The following NUCB1 variants were observed in gnomAD, a reference collection of about 807,000 sequenced individuals.
The protein encoded by NUCB1 is nucleobindin 1.
NUCB1 carries 47 observed loss-of-function variants against 61.2 expected under a neutral mutation model. The ratio of observed to expected loss-of-function variants is 0.77; its 90% CI spans 0.61 to 0.98. The LOEUF (loss-of-function observed/expected upper bound fraction) is 0.98, where lower values mean the gene tolerates loss of function less well. Among genes scored for constraint, NUCB1 ranks in the 50% least tolerant of loss-of-function variants. NUCB1 has a pLI of 0.00. For synonymous variants in NUCB1, 234 were observed against 243.1 expected, an observed-to-expected ratio of 0.96 and a Z score of 0.35; for missense variants, 583 against 605.3, an observed-to-expected ratio of 0.96 and a Z score of 0.39.
At chr19:48,907,272 C>CTTT (rs1234696613) in intron 4 of NUCB1, among the ~76,000 whole-genome samples, 1 of 122,502 alleles carries the variant, frequency 8.2e-6, no homozygotes, top group Non-Finnish European at 1.7e-5. Context: ...CGCGCCTGGC[C>CTTT]TTTTTTTTTT....
rs200059888 is a variant in NUCB1, at chr19:48,913,240, T to C, written c.666+44T>C. ...CCCATCCACTCCCTACCACATCCAG[T>C]TCAAACGCAAGACAAGAAAGCAGTT... On this transcript the variant is annotated intron_variant, in intron 6 of 12. Coordinates refer to ENST00000405315, the MANE Select transcript of NUCB1 (RefSeq NM_006184.6). 124 of 1,552,422 alleles carry C rather than the reference T, an allele frequency of 8.0e-5. 1 individual carries two copies. The Admixed American group carries it at 2.2e-3, about 28-fold the overall frequency.
At chr19:48,910,685 AAAG>A (rs1248906992) in intron 4 of NUCB1, among the ~76,000 whole-genome samples, 25 of 151,908 alleles carry the variant, frequency 1.6e-4, no homozygotes, top group African/African-American at 4.6e-4. Flanking sequence ...AAAAAAAAAA[AAAG>A]AAGGAAAAGA....
chr19:48,909,363 T>G (rs985397935), intron 4 of NUCB1, among the ~76,000 whole-genome samples: 2 of 151,970 alleles, frequency 1.3e-5, no homozygotes, highest in Non-Finnish European at 2.9e-5. Context: ...TTCTCCTGCC[T>G]CAGACTCCTA....
intron 2 of NUCB1, 97 bp downstream of exon 2, chr19:48,901,028 C>T (rs2037349199): frequency 2.8e-6 from 4 of 1,411,822 alleles, no homozygotes; most frequent in Non-Finnish European, 4.0e-6. Context: ...CCAGTGACTT[C>T]CTGGCCCTAC....
In NUCB1 at chr19:48,905,808, T is replaced by C; in HGVS notation, c.299T>C (p.Leu100Pro). The change falls in exon 4 of 13, where the codon CTG becomes CCG. Residue 100 changes from leucine (L) to proline (P), a missense_variant. Coordinates refer to ENST00000405315, the MANE Select transcript of NUCB1 (RefSeq NM_006184.6). ...GTCAGCCACCACGTCCGCACCAAGC[T>C]GGATGAGCTCAAGCGACAGGAGGTG... Reference protein sequence around the residue: ...DFVSHHVRTKLDELKRQEVSR... With the variant: ...DFVSHHVRTKPDELKRQEVSR... 1 of 1,612,268 alleles carries C rather than the reference T, an allele frequency of 6.2e-7. No homozygotes were observed. The highest frequency in any genetic ancestry group is 8.5e-7 in the Non-Finnish European group (1 of 1,179,616).
chr19:48,900,814 C>T lies in NUCB1; in HGVS notation c.18C>T (p.Pro6=), dbSNP rs1600047157. 1.2e-6 allele frequency: 2 copies of T among 1,613,958 alleles called. No homozygotes were observed. Among genetic ancestry groups the T allele is most frequent in the Non-Finnish European group, 1.7e-6 (2 of 1,180,022 alleles). MPPSG[P]RGTLLLLPLL... ...ACACTGCCATGCCTCCCTCTGGGCC[C>T]CGAGGAACCCTCCTTCTGTTGCCGC... is the stretch of plus-strand genomic sequence containing the variant. The change falls in exon 2 of 13, where the codon CCC becomes CCT. Residue 6 remains proline, a synonymous_variant. Transcript: ENST00000405315.
chr19:48,911,225 C>G lies in NUCB1; in HGVS notation c.453C>G (p.Ala151=). Residue 151 remains alanine, a synonymous_variant, in exon 5 of 13, where the codon GCC becomes GCG. Coordinates refer to ENST00000405315, the MANE Select transcript of NUCB1 (RefSeq NM_006184.6). ...LDPQNQHTFE[A]RDLELLIQTA... is the part of the protein sequence containing the mutation. ...CTCAGAACCAGCATACATTCGAGGC[C>G]CGCGACCTGGAGCTGCTGATCCAGA... 1 of 1,613,552 alleles carries G rather than the reference C, an allele frequency of 6.2e-7. No homozygotes were observed. The highest frequency in any genetic ancestry group is 8.5e-7 in the Non-Finnish European group (1 of 1,179,714).
intron 3 of NUCB1, 73 bp downstream of exon 3, chr19:48,904,527 C>CTTT: frequency 8.7e-5 from 51 of 585,896 alleles, no homozygotes; most frequent in African/African-American, 1.0e-4. Context: ...GGACTGGTTT[C>CTTT]TTTTTTTTTT....
In NUCB1 at chr19:48,920,216, C is replaced by T. The variant is rs563488465; in HGVS notation, c.1002+930C>T. Among the ~76,000 whole-genome samples the T allele has an allele frequency of 2.6e-5, 4 of 151,286 alleles. No individual in the cohort carries two copies. The East Asian group carries it at 7.9e-4, about 30-fold the overall frequency. ...TGGAGTGCAGGGGTGTTATCATGGC[C>T]CACTGCAGCCTCAAACTCCTGTCCT... On this transcript the variant is annotated intron_variant, in intron 10 of 12. Coordinates refer to ENST00000405315, the MANE Select transcript of NUCB1 (RefSeq NM_006184.6).
intron 3 of NUCB1, 65 bp from the exon 4 acceptor site, chr19:48,905,688 T>C: frequency 6.3e-7 from 1 of 1,597,286 alleles, no homozygotes. Context: ...AGAAAGCTTA[T>C]AAGAAGCTTC....
At chr19:48,919,452 C>CTTTAT (rs1555792213) in intron 10 of NUCB1, among the ~76,000 whole-genome samples, 166 bp downstream of exon 10, 2 of 141,938 alleles carry the variant, frequency 1.4e-5, no homozygotes, top group African/African-American at 2.7e-5. Flanking sequence ...CTCTAGGACT[C>CTTTAT]TTATTTATTT....
chr19:48,915,111 G>A (rs77756833), intron 7 of NUCB1, among the ~76,000 whole-genome samples: 5,517 of 152,078 alleles, frequency 0.036, 340 homozygotes, highest in African/African-American at 0.12. Context: ...AAAATTAAAA[G>A]TTAAATAAAT....
intron 4 of NUCB1, among the ~76,000 whole-genome samples, chr19:48,907,914 C>T (rs561572843): frequency 6.6e-6 from 1 of 152,030 alleles, no homozygotes; most frequent in African/African-American, 2.4e-5. Context: ...TTTGTCCGTT[C>T]GCCCCGCTCT....
At chr19:48,900,626 G>C (rs1438543674) in intron 1 of NUCB1, 160 bp from the exon 2 acceptor site, 1 of 946,818 alleles carries the variant, frequency 1.1e-6, no homozygotes, top group Non-Finnish European at 1.6e-6. Flanking sequence ...TCGGAGGAAG[G>C]GAAGGCCGGA....
At position 48,912,586 on chromosome 19, in the gene NUCB1, A is replaced by C. The variant is rs535528024; in HGVS notation, c.481-425A>C. 1.1e-3 allele frequency among the ~76,000 whole-genome samples: 162 copies of C among 152,292 alleles called. 6 individuals carry two copies. The South Asian group carries it at 0.027, about 25-fold the overall frequency. Reference sequence around the variant, plus strand: ...CGCGATGGCTCACGCCTATAATCCCAGCACTTTGGGAGGCTGACGTGGGCG... The same window carrying C: ...CGCGATGGCTCACGCCTATAATCCCCGCACTTTGGGAGGCTGACGTGGGCG... On this transcript the variant is annotated intron_variant, in intron 5 of 12. Coordinates refer to ENST00000405315, the MANE Select transcript of NUCB1 (RefSeq NM_006184.6).
At chr19:48,900,712 C>T (rs2037344507) in intron 1 of NUCB1, 74 bp from the exon 2 acceptor site, 1 of 1,542,806 alleles carries the variant, frequency 6.5e-7, no homozygotes, top group South Asian at 1.2e-5. Context: ...GCTGGGGGCC[C>T]GAACTCCTGG....
chr19:48,907,438 G>A (rs568035525), intron 4 of NUCB1, among the ~76,000 whole-genome samples: 11 of 151,974 alleles, frequency 7.2e-5, no homozygotes, highest in African/African-American at 1.4e-4. Context: ...ACCACACCTG[G>A]CTAATTTTGT....
chr19:48,906,403 CAAAA>C (rs550726351), intron 4 of NUCB1, among the ~76,000 whole-genome samples: 1 of 115,908 alleles, frequency 8.6e-6, no homozygotes, highest in Non-Finnish European at 1.8e-5. Context: ...AACTCTGACT[CAAAA>C]AAAAAAAAAA....
chr19:48,906,004 TGCTGAA>T, intron 4 of NUCB1, 119 bp downstream of exon 4: 1 of 959,290 alleles, frequency 1.0e-6, no homozygotes, highest in Non-Finnish European at 1.6e-6. Context: ...CTGCGAAATG[TGCTGAA>T]ATGTGCGTGG....
Sources: gnomAD v4.1 joint callset for allele counts (sites outside exome capture counted in the v4.1 genomes callset) on GRCh38, gnomAD v4.1.1 for gene constraint, MANE v1.5 for transcripts, NCBI Gene and HGNC (gene_info 2026-07-23, HGNC 2026-07-21) for gene names.